Variants in DOCK4 observed in about 807,000 individuals in gnomAD.
DOCK4 encodes the protein dedicator of cytokinesis 4, also known as dedicator of cytokinesis protein 4.
A neutral mutation model predicts 268.1 loss-of-function variants in DOCK4; 97 were observed. The ratio of observed to expected loss-of-function variants is 0.36; its 90% CI spans 0.31 to 0.43. DOCK4 has a LOEUF of 0.43. DOCK4 is among the 20% of genes least tolerant of loss of function. The probability of loss-of-function intolerance (pLI) is 1.00; values close to 1 mark genes in which losing one functional copy is unlikely to be tolerated. For missense variants in DOCK4, 2,145 were observed against 2,455.7 expected, an observed-to-expected ratio of 0.87 and a Z score of 2.67; for synonymous variants, 954 against 887.2, an observed-to-expected ratio of 1.08 and a Z score of -1.34.
intron 26 of DOCK4, 119 bp from the exon 27 acceptor site, chr7:111,822,575 G>A (rs1802076100): frequency 2.2e-6 from 2 of 889,332 alleles, no homozygotes; most frequent in Non-Finnish European, 1.7e-6. Flanking sequence ...ATAGAGAAGG[G>A]AGCCATAGTT....
chr7:112,013,464 A>G (rs1425547575), intron 1 of DOCK4, among the ~76,000 whole-genome samples: 1 of 152,218 alleles, frequency 6.6e-6, no homozygotes, highest in Non-Finnish European at 1.5e-5. Context: ...ATAGAGGAAC[A>G]AAGTCCAAAG....
chr7:112,032,398 T>C (rs148663557), intron 1 of DOCK4, among the ~76,000 whole-genome samples: 1 of 152,372 alleles, frequency 6.6e-6, no homozygotes, highest in East Asian at 1.9e-4. Flanking sequence ...AAGTTATTTA[T>C]ACAAATAAAT....
intron 1 of DOCK4, among the ~76,000 whole-genome samples, chr7:112,185,405 T>C (rs577537422): frequency 2.0e-5 from 3 of 152,284 alleles, no homozygotes; most frequent in East Asian, 3.9e-4. Flanking sequence ...TCATCATGAA[T>C]ACAGGAACAA....
intron 8 of DOCK4, among the ~76,000 whole-genome samples, chr7:111,950,918 T>C (rs1303472191): frequency 6.6e-6 from 1 of 152,158 alleles, no homozygotes; most frequent in African/African-American, 2.4e-5. Flanking sequence ...AATAAGCAAA[T>C]AGAACATTTC....
chr7:112,060,367 G>T (rs180681724), intron 1 of DOCK4, among the ~76,000 whole-genome samples: 2 of 152,152 alleles, frequency 1.3e-5, no homozygotes, highest in East Asian at 3.9e-4. Context: ...ATGCACTGTC[G>T]GTAGGAATGT....
At chr7:112,027,792 C>T (rs1211814755) in intron 1 of DOCK4, among the ~76,000 whole-genome samples, 2 of 152,270 alleles carry the variant, frequency 1.3e-5, no homozygotes, top group East Asian at 3.9e-4. Flanking sequence ...ATTTGACATC[C>T]TTCTCCAAAC....
Position 111,727,199 on chromosome 7 carries a change from C to A in DOCK4, c.*1075G>T, listed in dbSNP as rs889811749. On this transcript the variant is annotated 3_prime_UTR_variant, in exon 53 of 53. Transcript: ENST00000428084. ...TCAAGCTAGAGAAGTCTACAGCAAT[C>A]CTCCTTCAAGAGAAAGACGACAGGT... 1.3e-5 allele frequency: 2 copies of A among 152,642 alleles called. No homozygotes were observed. The highest frequency in any genetic ancestry group is 4.8e-5 in the African/African-American group (2 of 41,446). 9.5% of individuals were successfully genotyped at this position (152,642 alleles called of 1,614,324 possible). A position where few individuals can be genotyped will look rare whatever the true frequency, so the allele number is the denominator to read the frequency against.
At chr7:112,056,932 T>C (rs1175871364) in intron 1 of DOCK4, among the ~76,000 whole-genome samples, 1 of 152,140 alleles carries the variant, frequency 6.6e-6, no homozygotes, top group East Asian at 1.9e-4. Context: ...CATAACTATA[T>C]ATTGTATATT....
At chr7:112,128,890 G>T (rs2428458) in intron 1 of DOCK4, among the ~76,000 whole-genome samples, 64,194 of 151,606 alleles carry the variant, frequency 0.42, 14,324 homozygotes, top group South Asian at 0.57. Context: ...CCCTCTGCGA[G>T]AAACACCCAA....
intron 26 of DOCK4, among the ~76,000 whole-genome samples, chr7:111,833,058 A>G (rs1802965032): frequency 6.6e-6 from 1 of 152,142 alleles, no homozygotes; most frequent in East Asian, 1.9e-4. Flanking sequence ...CGCTTTTCCT[A>G]TGGGAAATTT....
At chr7:111,788,877 C>T (rs916293346) in intron 31 of DOCK4, 130 bp from the exon 32 acceptor site, 29 of 769,726 alleles carry the variant, frequency 3.8e-5, no homozygotes, top group Middle Eastern at 2.8e-4. Flanking sequence ...TTATCAGCTA[C>T]GGTTAATAGC....
In DOCK4 at chr7:112,191,523, G is replaced by A. The variant is rs557847112; in HGVS notation, c.37+14579C>T. Among the ~76,000 whole-genome samples, 3 of 152,162 alleles carry A rather than the reference G, an allele frequency of 2.0e-5. No individual in the cohort carries two copies. In the South Asian group the frequency reaches 6.2e-4, roughly 32 times the overall value. ...ACCAATGCTAGAGTAAAAAGACAAC[G>A]TGGGGACTTATTTCACATAATACTG... On this transcript the variant is annotated intron_variant, in intron 1 of 52. Coordinates refer to ENST00000428084, the MANE Select transcript of DOCK4 (RefSeq NM_001363540.2).
At chr7:111,996,444 T>C (rs1008632544) in intron 4 of DOCK4, among the ~76,000 whole-genome samples, 2 of 152,214 alleles carry the variant, frequency 1.3e-5, no homozygotes, top group East Asian at 1.9e-4. Flanking sequence ...TATTTCATCC[T>C]AGTGGGCCAT....
rs1181981709 is a variant in DOCK4, at chr7:112,133,558, C to A, written c.37+72544G>T. Among the ~76,000 whole-genome samples, 6 of 151,970 alleles carry A rather than the reference C, an allele frequency of 3.9e-5. No homozygotes were observed. The South Asian group carries it at 1.0e-3, about 26-fold the overall frequency. ...ACTAGCCTGGGGGACATGGTGACAC[C>A]CGTCTCTCCTAAAATAGCCGGGCAT... On this transcript the variant is annotated intron_variant, in intron 1 of 52. Transcript: ENST00000428084.
At chr7:111,809,961 G>A (rs1457094928) in intron 28 of DOCK4, among the ~76,000 whole-genome samples, 2 of 139,952 alleles carry the variant, frequency 1.4e-5, no homozygotes, top group African/African-American at 5.5e-5. Flanking sequence ...AAAGAGATCT[G>A]AATAAAGTTC....
At chr7:111,803,489 C>T (rs1294261805) in intron 30 of DOCK4, among the ~76,000 whole-genome samples, 1 of 152,166 alleles carries the variant, frequency 6.6e-6, no homozygotes, top group Non-Finnish European at 1.5e-5. Context: ...TTTATGCACA[C>T]AGAACAGCCT....
chr7:112,006,110 A>G (rs772620047), intron 1 of DOCK4, among the ~76,000 whole-genome samples: 2 of 152,160 alleles, frequency 1.3e-5, no homozygotes, highest in Non-Finnish European at 2.9e-5. Context: ...GTGTAGGAAA[A>G]TAGCATCAAG....
chr7:111,907,054 G>A (rs1182828656), intron 13 of DOCK4, among the ~76,000 whole-genome samples: 2 of 152,132 alleles, frequency 1.3e-5, no homozygotes, highest in African/African-American at 4.8e-5. Context: ...GAGGAGGAAG[G>A]AATGGGAGCA....
chr7:112,153,511 T>G (rs1379861816), intron 1 of DOCK4, among the ~76,000 whole-genome samples: 1 of 152,182 alleles, frequency 6.6e-6, no homozygotes, highest in Non-Finnish European at 1.5e-5. Flanking sequence ...AATAATTATC[T>G]GAAATTATAT....
Sources: allele counts gnomAD v4.1 joint callset (sites outside exome capture counted in the v4.1 genomes callset), GRCh38; gene constraint gnomAD v4.1.1; transcripts MANE v1.5; gene names NCBI Gene and HGNC (gene_info 2026-07-23, HGNC 2026-07-21).